The following R3HDM2 variants were observed in gnomAD, a reference collection of about 807,000 sequenced individuals.
The protein encoded by R3HDM2 is R3H domain-containing protein 2.
In R3HDM2, 38 loss-of-function variants were observed where a neutral mutation model predicts 124.5. That is an observed-to-expected ratio of 0.31 (90% CI 0.24 to 0.40). The LOEUF is 0.40. R3HDM2 is among the 10% of genes least tolerant of loss of function. R3HDM2 has a pLI of 1.00. For missense variants in R3HDM2, 869 were observed against 1,236.9 expected, an observed-to-expected ratio of 0.70 and a Z score of 4.46; for synonymous variants, 391 against 448.0, an observed-to-expected ratio of 0.87 and a Z score of 1.61.
At chr12:57,399,258 G>A (rs568801737) in intron 1 of R3HDM2, among the ~76,000 whole-genome samples, 12 of 151,880 alleles carry the variant, frequency 7.9e-5, no homozygotes, top group Non-Finnish European at 1.3e-4. Context: ...AAAAATTAGC[G>A]GGGCATGGTG....
intron 2 of R3HDM2, among the ~76,000 whole-genome samples, chr12:57,336,667 G>A (rs1046232869): frequency 2.0e-5 from 3 of 152,118 alleles, no homozygotes; most frequent in East Asian, 1.9e-4. Context: ...CTACATGAGC[G>A]GGGAGGGTGA....
intron 2 of R3HDM2, among the ~76,000 whole-genome samples, chr12:57,386,386 C>G (rs940122716): frequency 1.9e-4 from 29 of 152,350 alleles, no homozygotes; most frequent in Middle Eastern, 3.4e-3. Context: ...GGAGTGGGCT[C>G]GGCAGGCTCC....
At chr12:57,357,290 C>T (rs1433881189) in intron 2 of R3HDM2, among the ~76,000 whole-genome samples, 1 of 151,796 alleles carries the variant, frequency 6.6e-6, no homozygotes, top group Non-Finnish European at 1.5e-5. Context: ...AGCAAAACCC[C>T]ATCTTTACTA....
chr12:57,317,628 A>G (rs2055372657), intron 2 of R3HDM2, among the ~76,000 whole-genome samples: 1 of 115,962 alleles, frequency 8.6e-6, no homozygotes, highest in Non-Finnish European at 1.9e-5. Flanking sequence ...ATCCTGGGAG[A>G]TAGTTAAAAA....
At chr12:57,301,407 GT>G (rs1167715271) in intron 4 of R3HDM2, among the ~76,000 whole-genome samples, 2 of 152,208 alleles carry the variant, frequency 1.3e-5, no homozygotes, top group Non-Finnish European at 2.9e-5. Flanking sequence ...TATGCTCTAA[GT>G]AGTGCAGTAT....
intron 21 of R3HDM2, 130 bp from the exon 22 acceptor site, chr12:57,256,641 G>A (rs1332106958): frequency 6.2e-6 from 4 of 645,538 alleles, no homozygotes; most frequent in Non-Finnish European, 1.0e-5. Context: ...AAATGCCCAT[G>A]CGACTGGTAT....
At chr12:57,376,258 C>T (rs1213321107) in intron 2 of R3HDM2, among the ~76,000 whole-genome samples, 1 of 152,234 alleles carries the variant, frequency 6.6e-6, no homozygotes, top group Non-Finnish European at 1.5e-5. Context: ...CTCCAGATCC[C>T]AGGTTTTCCT....
intron 1 of R3HDM2, among the ~76,000 whole-genome samples, chr12:57,406,139 T>C (rs1379596866): frequency 4.6e-5 from 7 of 152,032 alleles, no homozygotes; most frequent in Non-Finnish European, 8.8e-5. Flanking sequence ...CTGACCGACA[T>C]GGTGAAACCC....
chr12:57,430,726 C>A lies in R3HDM2; in HGVS notation c.-112G>T, dbSNP rs984545948. 3.4e-6 allele frequency: 1 copy of A among 295,246 alleles called. No homozygotes were observed. Among genetic ancestry groups the A allele is most frequent in the Non-Finnish European group, 5.0e-6 (1 of 200,624 alleles). The allele number at this position is 295,246 out of a possible 1,614,324, so 18.3% of individuals were successfully genotyped here. A position where few individuals can be genotyped will look rare whatever the true frequency, so the allele number is the denominator to read the frequency against. ...GGCCGGGAGGTGGCCTCACCTCGCA[C>A]GGGCCTTGGCGGGGAGGGCGCCCAC... On this transcript the variant is annotated 5_prime_UTR_variant, in exon 1 of 24. Transcript: ENST00000402412.
At chr12:57,384,925 G>C (rs1047891663) in intron 2 of R3HDM2, among the ~76,000 whole-genome samples, 7 of 152,116 alleles carry the variant, frequency 4.6e-5, no homozygotes, top group Non-Finnish European at 8.8e-5. Context: ...GAGGCGGGTG[G>C]ATCACGAGGT....
At position 57,331,380 on chromosome 12, in the gene R3HDM2, C is replaced by T. The variant is rs185961601; in HGVS notation, c.-35-20917G>A. Among the ~76,000 whole-genome samples the T allele has an allele frequency of 5.7e-3, 868 of 152,294 alleles. 9 individuals are homozygous for T. The highest frequency in any genetic ancestry group is 9.2e-3 in the Non-Finnish European group (626 of 68,030). Reference sequence around the variant, plus strand: ...ATCTCTTACAAAACCCCAAATACCTCCTATACCATTTCCTTGACTTTATTT... The same window carrying T: ...ATCTCTTACAAAACCCCAAATACCTTCTATACCATTTCCTTGACTTTATTT... On this transcript the variant is annotated intron_variant, in intron 2 of 23. Transcript: ENST00000402412.
chr12:57,281,892 G>A (rs1297710984), intron 13 of R3HDM2, among the ~76,000 whole-genome samples: 1 of 152,220 alleles, frequency 6.6e-6, no homozygotes, highest in Non-Finnish European at 1.5e-5. Context: ...TGAAAGCAAA[G>A]ATGAGGAAGC....
Position 57,260,476 on chromosome 12 carries a change from G to A in R3HDM2, c.2132-1417C>T, listed in dbSNP as rs571980568. Among the ~76,000 whole-genome samples the A allele has an allele frequency of 1.6e-4, 25 of 151,876 alleles. No homozygotes were observed. The South Asian group carries it at 4.4e-3, about 27-fold the overall frequency. On this transcript the variant is annotated intron_variant, in intron 19 of 23. Transcript: ENST00000402412. ...GTGGGAGAAGGGAAAGCCTTAATAA[G>A]GAGGAACATTAAGACCTAAATCTTC...
intron 2 of R3HDM2, among the ~76,000 whole-genome samples, chr12:57,326,783 C>A (rs1229840961): frequency 6.6e-6 from 1 of 152,176 alleles, no homozygotes; most frequent in Non-Finnish European, 1.5e-5. Context: ...CAGGCTGATT[C>A]TCTTGTTAGG....
chr12:57,271,437 T>TAC (rs34695167), intron 14 of R3HDM2, among the ~76,000 whole-genome samples: 36,723 of 149,422 alleles, frequency 0.25, 4,611 homozygotes, highest in South Asian at 0.43. Flanking sequence ...TGGACAGTAA[T>TAC]ACACACACAC....
chr12:57,367,356 G>T (rs118048380), intron 2 of R3HDM2, among the ~76,000 whole-genome samples: 1 of 152,198 alleles, frequency 6.6e-6, no homozygotes, highest in Non-Finnish European at 1.5e-5. Flanking sequence ...TGTAGTTAGT[G>T]TAACTGAGGA....
chr12:57,279,645 T>G (rs1471170957), intron 14 of R3HDM2, among the ~76,000 whole-genome samples: 1 of 151,568 alleles, frequency 6.6e-6, no homozygotes, highest in African/African-American at 2.4e-5. Context: ...CTCAAAATAA[T>G]AATAATAACA....
chr12:57,391,597 G>A (rs1236895179), intron 2 of R3HDM2, among the ~76,000 whole-genome samples: 1 of 152,088 alleles, frequency 6.6e-6, no homozygotes, highest in Non-Finnish European at 1.5e-5. Flanking sequence ...TGTAAAACTG[G>A]ACAAAGCTGA....
chr12:57,298,808 C>T (rs904120892), intron 6 of R3HDM2, among the ~76,000 whole-genome samples: 5 of 151,660 alleles, frequency 3.3e-5, no homozygotes, highest in African/African-American at 1.2e-4. Context: ...TACAAAAATA[C>T]AAAAATTAGC....
Sources: allele counts gnomAD v4.1 joint callset (sites outside exome capture counted in the v4.1 genomes callset), GRCh38; gene constraint gnomAD v4.1.1; transcripts MANE v1.5; gene names NCBI Gene and HGNC (gene_info 2026-07-23, HGNC 2026-07-21).